LHFPL4: variants seen among roughly 807,000 people sequenced by gnomAD.
LHFPL4 encodes LHFPL tetraspan subfamily member 4, also known as LHFPL tetraspan subfamily member 4 protein.
Under a neutral mutation model 20.0 loss-of-function variants are expected in LHFPL4, and 6 were observed. That is an observed-to-expected ratio of 0.30 (90% CI 0.16 to 0.59). The LOEUF (loss-of-function observed/expected upper bound fraction) is 0.59, where lower values mean the gene tolerates loss of function less well. Among genes scored for constraint, LHFPL4 ranks in the 20% least tolerant of loss-of-function variants. The pLI is 0.88. For synonymous variants in LHFPL4, 129 were observed against 143.8 expected (o/e 0.90, Z 0.74); for missense variants, 215 against 331.2 (o/e 0.65, Z 2.72).
intron 2 of LHFPL4, among the ~76,000 whole-genome samples, chr3:9,508,659 G>T (rs1272407967): frequency 6.6e-6 from 1 of 152,214 alleles, no homozygotes; most frequent in Non-Finnish European, 1.5e-5. Context: ...AGGAGGAAGA[G>T]GGGCCTGCGG....
At chr3:9,521,487 C>T (rs143852400) in intron 2 of LHFPL4, among the ~76,000 whole-genome samples, 3,249 of 151,850 alleles carry the variant, frequency 0.021, 144 homozygotes, top group African/African-American at 0.074. Flanking sequence ...CTGCAAGCTC[C>T]ACCTCCAGCT....
intron 2 of LHFPL4, among the ~76,000 whole-genome samples, chr3:9,549,650 T>G (rs530487173): frequency 4.5e-4 from 69 of 152,224 alleles, no homozygotes; most frequent in African/African-American, 1.5e-3. Flanking sequence ...TGAGCCAAGA[T>G]CATGCCATTG....
At chr3:9,512,256 TC>T (rs1336227028) in intron 2 of LHFPL4, among the ~76,000 whole-genome samples, 11 of 152,102 alleles carry the variant, frequency 7.2e-5, no homozygotes, top group African/African-American at 2.7e-4. Context: ...GTAGTCAGTT[TC>T]CCCCTCTGGG....
intron 2 of LHFPL4, among the ~76,000 whole-genome samples, chr3:9,544,095 C>CA (rs2046496215): frequency 6.6e-6 from 1 of 151,900 alleles, no homozygotes; most frequent in Non-Finnish European, 1.5e-5. Flanking sequence ...CATTTGCTTG[C>CA]ATATTTAAGA....
intron 3 of LHFPL4, 92 bp downstream of exon 3, chr3:9,505,875 G>A: frequency 3.2e-6 from 4 of 1,241,186 alleles, no homozygotes; most frequent in Non-Finnish European, 4.6e-6. Flanking sequence ...TCCAATTCAT[G>A]CAACCCTCTT....
At position 9,512,945 on chromosome 3, in the gene LHFPL4, T is replaced by TTTTGTTTG. The variant is rs371214083; in HGVS notation, c.407-6750_407-6743dup. ...TGGACTGCCTCACTCTAGGACATTTTTTTGTTTGTTTGTTTGTTTGTTTGT... is the reference window on the plus strand; with the variant it reads ...TGGACTGCCTCACTCTAGGACATTTTTTTGTTTGTTTGTTTGTTTGTTTGTTTGTTTGT... On this transcript the variant is annotated intron_variant, in intron 2 of 3. Coordinates refer to ENST00000287585, the MANE Select transcript of LHFPL4 (RefSeq NM_198560.3). Among the ~76,000 whole-genome samples, 12 of 152,096 alleles carry TTTTGTTTG rather than the reference T, an allele frequency of 7.9e-5. No homozygotes were observed. The East Asian group carries it at 1.4e-3, about 17-fold the overall frequency.
At chr3:9,537,187 C>T (rs1486153320) in intron 2 of LHFPL4, among the ~76,000 whole-genome samples, 1 of 152,164 alleles carries the variant, frequency 6.6e-6, no homozygotes, top group African/African-American at 2.4e-5. Flanking sequence ...CCCCAGCCTC[C>T]CTCCATTTCC....
chr3:9,530,121 A>G (rs1282393053), intron 2 of LHFPL4, among the ~76,000 whole-genome samples: 1 of 152,140 alleles, frequency 6.6e-6, no homozygotes, highest in African/African-American at 2.4e-5. Flanking sequence ...GCTTCAACTT[A>G]AAGTCACCAG....
chr3:9,523,988 C>CCCT (rs1270720368), intron 2 of LHFPL4, among the ~76,000 whole-genome samples: 2 of 139,426 alleles, frequency 1.4e-5, no homozygotes, highest in African/African-American at 2.7e-5. Flanking sequence ...GTATTTCCCC[C>CCCT]CCCCCCAACA....
At chr3:9,507,913 G>T (rs912945942) in intron 2 of LHFPL4, among the ~76,000 whole-genome samples, 1 of 152,216 alleles carries the variant, frequency 6.6e-6, no homozygotes, top group Non-Finnish European at 1.5e-5. Flanking sequence ...CGGCTTGATG[G>T]GGCCCTCGTA....
intron 2 of LHFPL4, among the ~76,000 whole-genome samples, chr3:9,523,092 G>GAA (rs113605238): frequency 0.16 from 21,545 of 133,286 alleles, 3,984 homozygotes; most frequent in East Asian, 0.43. Context: ...AAGAAAGAAA[G>GAA]AGAGAGAGAG....
chr3:9,533,901 T>G (rs1242649421), intron 2 of LHFPL4, among the ~76,000 whole-genome samples: 2 of 152,014 alleles, frequency 1.3e-5, no homozygotes, highest in Non-Finnish European at 2.9e-5. Context: ...GGCTGTAGAT[T>G]TATGACTTTA....
chr3:9,538,556 A>G (rs2633777), intron 2 of LHFPL4, among the ~76,000 whole-genome samples: 6,266 of 152,312 alleles, frequency 0.041, 158 homozygotes, highest in Non-Finnish European at 0.059. Context: ...CAAATTCACA[A>G]TCAATCCTTC....
At chr3:9,521,919 T>G (rs1344851102) in intron 2 of LHFPL4, among the ~76,000 whole-genome samples, 2 of 152,158 alleles carry the variant, frequency 1.3e-5, no homozygotes, top group Non-Finnish European at 2.9e-5. Context: ...TCTACCATAT[T>G]TGTTACTATT....
intron 2 of LHFPL4, among the ~76,000 whole-genome samples, chr3:9,533,557 C>A (rs931699159): frequency 2.6e-5 from 4 of 152,152 alleles, no homozygotes; most frequent in Admixed American, 2.6e-4. Flanking sequence ...CCAAGGTGGG[C>A]GGATCACGAG....
At chr3:9,529,166 C>T (rs1159047158) in intron 2 of LHFPL4, among the ~76,000 whole-genome samples, 2 of 151,742 alleles carry the variant, frequency 1.3e-5, no homozygotes, top group Non-Finnish European at 2.9e-5. Context: ...GTAGCTGGGA[C>T]TACAGGTGCG....
At chr3:9,531,977 C>G (rs1047267226) in intron 2 of LHFPL4, among the ~76,000 whole-genome samples, 3 of 152,152 alleles carry the variant, frequency 2.0e-5, no homozygotes, top group African/African-American at 7.2e-5. Flanking sequence ...TATCGATGTA[C>G]TTTTATGTAA....
intron 3 of LHFPL4, among the ~76,000 whole-genome samples, chr3:9,504,516 T>C (rs1209549002): frequency 6.7e-6 from 1 of 150,014 alleles, no homozygotes; most frequent in Non-Finnish European, 1.5e-5. Context: ...TTATTATTTC[T>C]TTGCTTTTTA....
chr3:9,535,374 A>G (rs1265935856), intron 2 of LHFPL4, among the ~76,000 whole-genome samples: 1 of 152,196 alleles, frequency 6.6e-6, no homozygotes, highest in Non-Finnish European at 1.5e-5. Flanking sequence ...GTTTGAGGTT[A>G]TCCAAGTTAT....
Sources: gnomAD v4.1 joint callset for allele counts (sites outside exome capture counted in the v4.1 genomes callset) on GRCh38, gnomAD v4.1.1 for gene constraint, MANE v1.5 for transcripts, NCBI Gene and HGNC (gene_info 2026-07-23, HGNC 2026-07-21) for gene names.